ITPR1: variants seen among roughly 807,000 people sequenced by gnomAD.
The protein encoded by ITPR1 is inositol 1,4,5-trisphosphate receptor type 1.
A neutral mutation model predicts 318.4 loss-of-function variants in ITPR1; 96 were observed. The observed-to-expected ratio is 0.30, with a 90% CI of 0.26 to 0.36. The LOEUF (loss-of-function observed/expected upper bound fraction) is 0.36. Ranked by LOEUF, ITPR1 falls within the 10% of genes least tolerant of loss-of-function variation. The pLI is 1.00. For missense variants in ITPR1, 2,440 were observed against 3,460.2 expected, an observed-to-expected ratio of 0.71 and a Z score of 7.40; for synonymous variants, 1,312 against 1,289.9, an observed-to-expected ratio of 1.02 and a Z score of -0.37.
At chr3:4,626,745 T>G (rs2092839599) in intron 4 of ITPR1, among the ~76,000 whole-genome samples, 2 of 152,202 alleles carry the variant, frequency 1.3e-5, no homozygotes, top group African/African-American at 4.8e-5. Flanking sequence ...TTTCTTTCTG[T>G]GTCCCAGAAG....
At chr3:4,840,886 A>C (rs1258086778) in intron 61 of ITPR1, among the ~76,000 whole-genome samples, 1 of 152,242 alleles carries the variant, frequency 6.6e-6, no homozygotes, top group Admixed American at 6.5e-5. Context: ...TTTCTTGAAA[A>C]TATGACTGGC....
intron 59 of ITPR1, 104 bp downstream of exon 59, chr3:4,815,322 C>A: frequency 2.0e-6 from 2 of 1,013,974 alleles, no homozygotes; most frequent in African/African-American, 1.6e-5. Context: ...CCCAGTTATG[C>A]GGGAGGGGGC....
At chr3:4,505,458 G>A (rs1310774691) in intron 2 of ITPR1, among the ~76,000 whole-genome samples, 1 of 152,238 alleles carries the variant, frequency 6.6e-6, no homozygotes, top group Admixed American at 6.5e-5. Context: ...CTCCCAAAGT[G>A]TTGGGATGAC....
At chr3:4,642,925 A>G (rs1035524689) in intron 7 of ITPR1, among the ~76,000 whole-genome samples, 1 of 152,266 alleles carries the variant, frequency 6.6e-6, no homozygotes, top group Non-Finnish European at 1.5e-5. Flanking sequence ...ATTCTAAAGT[A>G]GCTGCTTTTT....
rs866366885 is a variant in ITPR1 at position 4,686,353 on chromosome 3, C to A, written c.3702+1147C>A. Among the ~76,000 whole-genome samples the A allele has an allele frequency of 2.0e-5, 3 of 152,192 alleles. No individual in the cohort carries two copies. In the South Asian group the frequency reaches 6.2e-4, roughly 31 times the overall value. On this transcript the variant is annotated intron_variant, in intron 30 of 61. Transcript: ENST00000649015. ...GCTATAAATAAAGTCCAAGCTTAATCCCTGTCGTAGGTATAATACCTAGCT... is the reference window on the plus strand; with the variant it reads ...GCTATAAATAAAGTCCAAGCTTAATACCTGTCGTAGGTATAATACCTAGCT...
chr3:4,831,980 G>C (rs1232741348), intron 60 of ITPR1, among the ~76,000 whole-genome samples: 1 of 152,228 alleles, frequency 6.6e-6, no homozygotes, highest in Non-Finnish European at 1.5e-5. Context: ...TACTGCACAG[G>C]ATGCAAAGCC....
chr3:4,814,806 C>T, intron 58 of ITPR1: 3 of 600,046 alleles, frequency 5.0e-6, no homozygotes, highest in Non-Finnish European at 5.9e-6. Flanking sequence ...GGACTGTTTC[C>T]ATCAGGGTTA....
chr3:4,604,648 A>C (rs2091564888), intron 4 of ITPR1, among the ~76,000 whole-genome samples: 1 of 152,032 alleles, frequency 6.6e-6, no homozygotes, highest in Non-Finnish European at 1.5e-5. Context: ...GTGTGAATGA[A>C]CTGGTGTGGG....
chr3:4,809,242 T>G (rs1246007617), intron 55 of ITPR1, among the ~76,000 whole-genome samples: 1 of 152,224 alleles, frequency 6.6e-6, no homozygotes, highest in Non-Finnish European at 1.5e-5. Context: ...AATACTCCAT[T>G]TCCAAAAATT....
chr3:4,730,675 C>T (rs2042866271), intron 42 of ITPR1, among the ~76,000 whole-genome samples: 1 of 151,884 alleles, frequency 6.6e-6, no homozygotes. Flanking sequence ...GCTGTTCACC[C>T]TCAAAAACAC....
intron 4 of ITPR1, among the ~76,000 whole-genome samples, chr3:4,532,377 T>G (rs74729196): frequency 0.022 from 3,335 of 152,272 alleles, 141 homozygotes; most frequent in African/African-American, 0.077. Context: ...TTTATTTTTA[T>G]TTTTTGAGAT....
intron 10 of ITPR1, among the ~76,000 whole-genome samples, chr3:4,648,474 C>T (rs1029249497): frequency 2.0e-5 from 3 of 152,150 alleles, no homozygotes; most frequent in African/African-American, 7.2e-5. Flanking sequence ...TAATTAAATA[C>T]GCTGGGTAAA....
intron 24 of ITPR1, 116 bp downstream of exon 24, chr3:4,676,917 C>G (rs760791857): frequency 1.4e-6 from 1 of 706,894 alleles, no homozygotes; most frequent in Non-Finnish European, 2.3e-6. Flanking sequence ...GGGGCAAATC[C>G]TTAGCTCATC....
chr3:4,500,702 G>A (rs939584736), intron 2 of ITPR1, among the ~76,000 whole-genome samples: 9 of 152,088 alleles, frequency 5.9e-5, no homozygotes, highest in African/African-American at 2.2e-4. Context: ...TTAAAAATTG[G>A]TTTTGGGTTT....
At chr3:4,620,374 G>C (rs955041951) in intron 4 of ITPR1, among the ~76,000 whole-genome samples, 20 of 152,262 alleles carry the variant, frequency 1.3e-4, no homozygotes, top group African/African-American at 4.1e-4. Context: ...ATATGGGGTG[G>C]GTGGACACAG....
chr3:4,757,274 A>G (rs572778040), intron 44 of ITPR1, among the ~76,000 whole-genome samples: 5 of 152,328 alleles, frequency 3.3e-5, no homozygotes, highest in South Asian at 2.1e-4. Flanking sequence ...TTGTGTGACA[A>G]TGGTTTTGTT....
At chr3:4,600,635 G>A (rs1360955729) in intron 4 of ITPR1, among the ~76,000 whole-genome samples, 1 of 152,134 alleles carries the variant, frequency 6.6e-6, no homozygotes, top group African/African-American at 2.4e-5. Context: ...TAAAATGATA[G>A]TCCGTGGACT....
At chr3:4,687,768 A>G (rs890019921) in intron 30 of ITPR1, among the ~76,000 whole-genome samples, 1 of 152,220 alleles carries the variant, frequency 6.6e-6, no homozygotes, top group Non-Finnish European at 1.5e-5. Flanking sequence ...TAATCCAACC[A>G]CGTGAAATGC....
chr3:4,502,952 G>T (rs1272505921), intron 2 of ITPR1, among the ~76,000 whole-genome samples: 1 of 151,972 alleles, frequency 6.6e-6, no homozygotes, highest in African/African-American at 2.4e-5. Flanking sequence ...GGGCATGATG[G>T]TGGGCACCTG....
Sources: gnomAD v4.1 joint callset for allele counts (sites outside exome capture counted in the v4.1 genomes callset) on GRCh38, gnomAD v4.1.1 for gene constraint, MANE v1.5 for transcripts, NCBI Gene and HGNC (gene_info 2026-07-23, HGNC 2026-07-21) for gene names.